MYOM2: variants seen among roughly 807,000 people sequenced by gnomAD.
The protein encoded by MYOM2 is myomesin 2.
Under a neutral mutation model 187.6 loss-of-function variants are expected in MYOM2, and 254 were observed. That is an observed-to-expected ratio of 1.35 (90% CI 1.22 to 1.50). MYOM2 has a LOEUF of 1.50. MYOM2 is among the 40% of genes most tolerant of loss of function. The pLI, the probability that MYOM2 is intolerant of heterozygous loss-of-function variation, is 0.00. For missense variants in MYOM2, 2,796 were observed against 1,924.0 expected (o/e 1.45, Z -8.48); for synonymous variants, 981 against 753.8 (o/e 1.30, Z -4.94).
chr8:2,077,934 CAT>C (rs1819490570), intron 11 of MYOM2, among the ~76,000 whole-genome samples: 1 of 152,164 alleles, frequency 6.6e-6, no homozygotes, highest in African/African-American at 2.4e-5. Flanking sequence ...CAGCCCATGA[CAT>C]GTGGATCAGA....
chr8:2,145,383 C>T lies in MYOM2; in HGVS notation c.*402C>T, dbSNP rs547584572. The T allele has an allele frequency of 1.5e-5, 4 of 261,718 alleles. No individual in the cohort carries two copies. The highest frequency in any genetic ancestry group is 1.7e-4 in the South Asian group (2 of 12,070). The allele number at this position is 261,718 out of a possible 1,614,324, so 16.2% of individuals were successfully genotyped here. On this transcript the variant is annotated 3_prime_UTR_variant, in exon 37 of 37. Coordinates refer to ENST00000262113, the MANE Select transcript of MYOM2 (RefSeq NM_003970.4). ...CTAGCATCTCTGAAATCCTGGCTGT[C>T]GAGGCTTTGAAGCATGTGTTACCTG...
intron 34 of MYOM2, 78 bp from the exon 35 acceptor site, chr8:2,142,297 C>T (rs1798300152): frequency 7.2e-7 from 1 of 1,396,606 alleles, no homozygotes; most frequent in South Asian, 1.2e-5. Flanking sequence ...TAGTGAGCCT[C>T]TCAGCTGTGC....
chr8:2,076,423 T>A, intron 11 of MYOM2, 141 bp downstream of exon 11: 1 of 1,121,760 alleles, frequency 8.9e-7, no homozygotes. Context: ...ATTGGTTGTA[T>A]AAGTTCCTAT....
intron 10 of MYOM2, among the ~76,000 whole-genome samples, chr8:2,074,752 C>T (rs995054568): frequency 2.0e-5 from 3 of 152,202 alleles, no homozygotes; most frequent in Admixed American, 6.5e-5. Flanking sequence ...CCACCGCGCC[C>T]GGCCCCACCT....
In MYOM2 at chr8:2,145,297, G is replaced by A. The variant is rs559624683; in HGVS notation, c.*316G>A. Reference sequence around the variant, plus strand: ...GGGCACATGGGTGTGGCACCTGGACGTGTGCAGCATGTGGCGGTCTGTGTG... The same window carrying A: ...GGGCACATGGGTGTGGCACCTGGACATGTGCAGCATGTGGCGGTCTGTGTG... On this transcript the variant is annotated 3_prime_UTR_variant, in exon 37 of 37. Coordinates refer to ENST00000262113, the MANE Select transcript of MYOM2 (RefSeq NM_003970.4). The A allele has an allele frequency of 2.9e-4, 142 of 482,178 alleles. No homozygotes were observed. The highest frequency in any genetic ancestry group is 5.4e-4 in the Middle Eastern group (1 of 1,864). 29.9% of individuals were successfully genotyped at this position (482,178 alleles called of 1,614,324 possible). A position where few individuals can be genotyped will look rare whatever the true frequency, so the allele number is the denominator to read the frequency against.
intron 8 of MYOM2, among the ~76,000 whole-genome samples, chr8:2,070,179 G>T (rs974366577): frequency 2.0e-5 from 3 of 152,214 alleles, no homozygotes; most frequent in Non-Finnish European, 4.4e-5. Flanking sequence ...GCCCTTTCGA[G>T]GCAGCTTGTT....
chr8:2,091,624 G>A (rs190672739), intron 15 of MYOM2, among the ~76,000 whole-genome samples: 276 of 152,284 alleles, frequency 1.8e-3, no homozygotes, highest in African/African-American at 6.4e-3. Context: ...TCACGAGGCC[G>A]GCTGCCTCCA....
chr8:2,071,376 A>AT (rs999052260), intron 8 of MYOM2, among the ~76,000 whole-genome samples: 1 of 151,794 alleles, frequency 6.6e-6, no homozygotes, highest in African/African-American at 2.4e-5. Flanking sequence ...TTCAGTATAG[A>AT]TTTTTTTCCT....
At chr8:2,066,053 C>T (rs1819008716) in intron 6 of MYOM2, among the ~76,000 whole-genome samples, 2 of 152,162 alleles carry the variant, frequency 1.3e-5, no homozygotes, top group Admixed American at 1.3e-4. Flanking sequence ...TCCCGCTCCT[C>T]GAGTACAAGG....
At chr8:2,093,372 G>C (rs934408836) in intron 16 of MYOM2, among the ~76,000 whole-genome samples, 1 of 152,168 alleles carries the variant, frequency 6.6e-6, no homozygotes, top group African/African-American at 2.4e-5. Flanking sequence ...AATAATAATT[G>C]CTTACACGGA....
chr8:2,073,260 C>G, intron 9 of MYOM2, 79 bp from the exon 10 acceptor site: 2 of 1,490,888 alleles, frequency 1.3e-6, no homozygotes, highest in Non-Finnish European at 1.8e-6. Context: ...CGCTCTGAGA[C>G]GACGCTGGTG....
chr8:2,052,021 C>A, intron 2 of MYOM2, 137 bp from the exon 3 acceptor site: 1 of 1,016,238 alleles, frequency 9.8e-7, no homozygotes, highest in Non-Finnish European at 1.5e-6. Context: ...TCTCATATGC[C>A]TGTGCATGTG....
rs116045122 is a variant in MYOM2, at chr8:2,057,529, C to T, written c.402+43C>T. 920 of 1,613,386 alleles carry T rather than the reference C, an allele frequency of 5.7e-4. 2 individuals are homozygous for T. In the African/African-American group the frequency reaches 0.011, roughly 19 times the overall value. Reference sequence around the variant, plus strand: ...TGGCTGGGTGTCTGGGAAGCGTGGACTAGATCTTAGCTTGTCTGCATGGTG... The same window carrying T: ...TGGCTGGGTGTCTGGGAAGCGTGGATTAGATCTTAGCTTGTCTGCATGGTG... On this transcript the variant is annotated intron_variant, in intron 4 of 36. Coordinates refer to ENST00000262113, the MANE Select transcript of MYOM2 (RefSeq NM_003970.4).
chr8:2,087,009 A>G lies in MYOM2; in HGVS notation c.1644+1619A>G, dbSNP rs75732434. ...ATATTGCAGTTCTGCCATCACGTAT[A>G]TGTATGTAACCTACAGAATTTCACA... On this transcript the variant is annotated intron_variant, in intron 14 of 36. Coordinates refer to ENST00000262113, the MANE Select transcript of MYOM2 (RefSeq NM_003970.4). Among the ~76,000 whole-genome samples, 263 of 152,230 alleles carry G rather than the reference A, an allele frequency of 1.7e-3. 3 individuals carry two copies. The East Asian group carries it at 0.041, about 24-fold the overall frequency.
chr8:2,096,537 C>A (rs7815779), intron 18 of MYOM2, 103 bp downstream of exon 18: 2 of 1,060,174 alleles, frequency 1.9e-6, no homozygotes, highest in Non-Finnish European at 2.7e-6. Flanking sequence ...GATACAGACA[C>A]AAAAATGGAT....
rs7827194 is a variant in MYOM2 at position 2,056,009 on chromosome 8, C to G, written c.264-1339C>G. 6.2e-3 allele frequency among the ~76,000 whole-genome samples: 947 copies of G among 152,310 alleles called. 9 individuals carry two copies. Among genetic ancestry groups the G allele is most frequent in the African/African-American group, 0.021 (893 of 41,558 alleles). ...TGTGCAGCTTCCTGTCCCTGCCACT[C>G]GGGAACGAACCTCCCCCAGCCTAAC... On this transcript the variant is annotated intron_variant, in intron 3 of 36. Coordinates refer to ENST00000262113, the MANE Select transcript of MYOM2 (RefSeq NM_003970.4).
chr8:2,116,821 C>G (rs993644679), intron 27 of MYOM2, among the ~76,000 whole-genome samples: 1 of 152,054 alleles, frequency 6.6e-6, no homozygotes, highest in African/African-American at 2.4e-5. Context: ...GCGGTGATGC[C>G]ATCTTGGCTC....
At chr8:2,062,418 G>C (rs577743158) in intron 6 of MYOM2, among the ~76,000 whole-genome samples, 1 of 152,314 alleles carries the variant, frequency 6.6e-6, no homozygotes, top group East Asian at 1.9e-4. Flanking sequence ...GTGGGAAGAA[G>C]TGGGTGCTCT....
Position 2,101,056 on chromosome 8 carries a change from T to C in MYOM2, c.2619+2T>C. 6.2e-7 allele frequency: 1 copy of C among 1,613,894 alleles called. No homozygotes were observed. On this transcript the variant is annotated splice_donor_variant, in intron 20 of 36. Transcript: ENST00000262113. LOFTEE classifies it high-confidence loss of function. ...ACAACAGCCAGCCGTTATTTAAAGG[T>C]AAGTCTTGGCCGGCTGTGGTGGCTC... is the stretch of plus-strand genomic sequence containing the variant.
Sources: allele counts gnomAD v4.1 joint callset (sites outside exome capture counted in the v4.1 genomes callset), GRCh38; gene constraint gnomAD v4.1.1; transcripts MANE v1.5; gene names NCBI Gene and HGNC (gene_info 2026-07-23, HGNC 2026-07-21).